The following NT5DC1 variants were observed in gnomAD, a reference collection of about 807,000 sequenced individuals.
NT5DC1 encodes 5'-nucleotidase domain containing 1.
In NT5DC1, 42 loss-of-function variants were observed where a neutral mutation model predicts 59.4. That is an observed-to-expected ratio of 0.71 (90% CI 0.55 to 0.92). The LOEUF (loss-of-function observed/expected upper bound fraction) is 0.92, where lower values mean the gene tolerates loss of function less well. Ranked by LOEUF, NT5DC1 falls within the 40% of genes least tolerant of loss-of-function variation. NT5DC1 has a pLI of 0.00. For synonymous variants in NT5DC1, 172 were observed against 188.1 expected (o/e 0.91, Z 0.70); for missense variants, 501 against 537.1 (o/e 0.93, Z 0.66).
chr6:116,137,875 T>TTCGAGACCAG (rs1323019886), intron 6 of NT5DC1, among the ~76,000 whole-genome samples: 5 of 151,920 alleles, frequency 3.3e-5, no homozygotes, highest in Non-Finnish European at 7.4e-5. Flanking sequence ...AGGTCAAGAG[T>TTCGAGACCAG]TCGAGACCAG....
intron 1 of NT5DC1, among the ~76,000 whole-genome samples, chr6:116,102,052 G>A (rs1048391770): frequency 1.3e-5 from 2 of 152,230 alleles, no homozygotes; most frequent in African/African-American, 4.8e-5. Context: ...ATTGTTGCAA[G>A]GATTAAATGA....
chr6:116,236,220 C>T (rs1402616899), intron 8 of NT5DC1, among the ~76,000 whole-genome samples: 1 of 152,214 alleles, frequency 6.6e-6, no homozygotes, highest in Admixed American at 6.5e-5. Flanking sequence ...ACCAAAGTCT[C>T]TGCTGATAGA....
intron 6 of NT5DC1, among the ~76,000 whole-genome samples, chr6:116,154,727 C>T (rs920280500): frequency 1.3e-5 from 2 of 152,124 alleles, no homozygotes; most frequent in African/African-American, 4.8e-5. Flanking sequence ...AATAATTTCT[C>T]ATTCATTCTA....
In NT5DC1 at chr6:116,124,560, A is replaced by G. The variant is rs187664754; in HGVS notation, c.529+6615A>G. 2.6e-3 allele frequency among the ~76,000 whole-genome samples: 398 copies of G among 152,324 alleles called. 10 individuals carry two copies. The South Asian group carries it at 0.044, about 17-fold the overall frequency. On this transcript the variant is annotated intron_variant, in intron 6 of 11. Coordinates refer to ENST00000319550, the MANE Select transcript of NT5DC1 (RefSeq NM_152729.3). ...AGTAGCTAAAAGTAGTAGAAATAAA[A>G]CTAGGAGTAACAGAAGTAGTAGTAG... is the stretch of plus-strand genomic sequence containing the variant.
chr6:116,219,002 A>G (rs1157674517), intron 6 of NT5DC1, among the ~76,000 whole-genome samples: 1 of 152,152 alleles, frequency 6.6e-6, no homozygotes, highest in Non-Finnish European at 1.5e-5. Context: ...TCAGAAATCC[A>G]GTGGTGGCCA....
intron 6 of NT5DC1, among the ~76,000 whole-genome samples, chr6:116,124,010 T>C (rs560525441): frequency 6.6e-6 from 1 of 152,198 alleles, no homozygotes; most frequent in East Asian, 1.9e-4. Context: ...TTGCTTCAAG[T>C]AAAGCGGAAG....
chr6:116,195,444 A>G (rs984534581), intron 6 of NT5DC1, among the ~76,000 whole-genome samples: 3 of 151,968 alleles, frequency 2.0e-5, no homozygotes, highest in Non-Finnish European at 2.9e-5. Flanking sequence ...AGTTTACCAG[A>G]TTAGGTTGGT....
chr6:116,236,403 A>G (rs1486261534), intron 8 of NT5DC1, among the ~76,000 whole-genome samples: 4 of 152,210 alleles, frequency 2.6e-5, no homozygotes, highest in Admixed American at 6.5e-5. Flanking sequence ...GTAGGAAGGT[A>G]ATGTGCTGGG....
intron 8 of NT5DC1, among the ~76,000 whole-genome samples, chr6:116,229,696 G>C (rs898209914): frequency 6.6e-6 from 1 of 152,204 alleles, no homozygotes; most frequent in African/African-American, 2.4e-5. Flanking sequence ...GAGGGAACGT[G>C]TCAGCCTTGT....
At chr6:116,240,857 A>G (rs575883411) in intron 11 of NT5DC1, among the ~76,000 whole-genome samples, 81 of 152,264 alleles carry the variant, frequency 5.3e-4, no homozygotes, top group African/African-American at 1.9e-3. Flanking sequence ...TAAAAGTAAA[A>G]TATTGGCCGG....
intron 6 of NT5DC1, among the ~76,000 whole-genome samples, chr6:116,139,371 A>C (rs1029885738): frequency 2.0e-5 from 3 of 152,174 alleles, no homozygotes; most frequent in Non-Finnish European, 2.9e-5. Context: ...ATTTTGAATA[A>C]TACAGTCTAA....
chr6:116,107,920 C>A (rs143422962), intron 2 of NT5DC1, among the ~76,000 whole-genome samples: 1 of 152,028 alleles, frequency 6.6e-6, no homozygotes, highest in Non-Finnish European at 1.5e-5. Context: ...GTTCTTGTAA[C>A]CTGACCTAAA....
rs1211245112 is a variant in NT5DC1 at position 116,245,801 on chromosome 6, A to G, written c.*1777A>G. The G allele has an allele frequency of 7.6e-6, 1 of 131,632 alleles. No individual in the cohort carries two copies. Among genetic ancestry groups the G allele is most frequent in the Admixed American group, 7.8e-5 (1 of 12,784 alleles). The allele number at this position is 131,632 out of a possible 1,614,324, so 8.2% of individuals were successfully genotyped here. A position where few individuals can be genotyped will look rare whatever the true frequency, so the allele number is the denominator to read the frequency against. On this transcript the variant is annotated 3_prime_UTR_variant, in exon 12 of 12. Coordinates refer to ENST00000319550, the MANE Select transcript of NT5DC1 (RefSeq NM_152729.3). ...AAGAAATAACTGCACTTTTTGGGCCACTTGAGTAGTGGCGGGGGTTCAGGA... is the reference window on the plus strand; with the variant it reads ...AAGAAATAACTGCACTTTTTGGGCCGCTTGAGTAGTGGCGGGGGTTCAGGA...
At chr6:116,196,170 C>T (rs578113548) in intron 6 of NT5DC1, among the ~76,000 whole-genome samples, 19 of 152,042 alleles carry the variant, frequency 1.2e-4, no homozygotes, top group African/African-American at 4.3e-4. Flanking sequence ...ATTACTCCTA[C>T]TCCATAAGCA....
intron 6 of NT5DC1, among the ~76,000 whole-genome samples, chr6:116,187,410 C>G (rs184012373): frequency 6.6e-6 from 1 of 152,084 alleles, no homozygotes; most frequent in Non-Finnish European, 1.5e-5. Context: ...AGCCAAGACA[C>G]TCATGAAGAA....
At chr6:116,238,911 C>T in intron 10 of NT5DC1, 44 bp from the exon 11 acceptor site, 1 of 1,218,804 alleles carries the variant, frequency 8.2e-7, no homozygotes, top group South Asian at 1.3e-5. Context: ...TGAGATTGAA[C>T]ATTAGTTAAT....
intron 6 of NT5DC1, among the ~76,000 whole-genome samples, chr6:116,127,248 T>C (rs1288677396): frequency 1.3e-5 from 2 of 152,132 alleles, no homozygotes; most frequent in African/African-American, 2.4e-5. Context: ...GATTTGTCCT[T>C]TTTCTTTTCC....
At chr6:116,200,694 T>C (rs1212586803) in intron 6 of NT5DC1, among the ~76,000 whole-genome samples, 1 of 152,012 alleles carries the variant, frequency 6.6e-6, no homozygotes, top group Non-Finnish European at 1.5e-5. Context: ...CCTCAACTTC[T>C]CTCTCTGGGT....
At chr6:116,121,590 T>C in intron 6 of NT5DC1, 1 of 1,613,964 alleles carries the variant, frequency 6.2e-7, no homozygotes, top group Non-Finnish European at 8.5e-7. Context: ...GGTGCACCCT[T>C]TTCTCCAGGA....
Sources: allele counts gnomAD v4.1 joint callset (sites outside exome capture counted in the v4.1 genomes callset), GRCh38; gene constraint gnomAD v4.1.1; transcripts MANE v1.5; gene names NCBI Gene and HGNC (gene_info 2026-07-23, HGNC 2026-07-21).